RAPGEF5: variants seen among roughly 807,000 people sequenced by gnomAD.
RAPGEF5 encodes M-Ras-regulated GEF.
Under a neutral mutation model 125.2 loss-of-function variants are expected in RAPGEF5, and 65 were observed. The ratio of observed to expected loss-of-function variants is 0.52; its 90% confidence interval spans 0.43 to 0.64. The LOEUF is 0.64. Ranked by LOEUF, RAPGEF5 falls within the 30% of genes least tolerant of loss-of-function variation. The probability of loss-of-function intolerance (pLI) is 0.00; values close to 1 mark genes in which losing one functional copy is unlikely to be tolerated. For synonymous variants in RAPGEF5, 391 were observed against 385.9 expected (o/e 1.01, Z -0.16); for missense variants, 958 against 1,048.1 (o/e 0.91, Z 1.19).
chr7:22,162,888 T>C, intron 12 of RAPGEF5: 4 of 469,768 alleles, frequency 8.5e-6, no homozygotes, highest in Non-Finnish European at 1.7e-5. Context: ...CTAGCCTCAC[T>C]ACACAGGTGA....
chr7:22,154,789 A>C (rs988666360), intron 16 of RAPGEF5, among the ~76,000 whole-genome samples, 185 bp from the exon 17 acceptor site: 3 of 152,192 alleles, frequency 2.0e-5, no homozygotes, highest in Non-Finnish European at 2.9e-5. Context: ...TACGTCTATA[A>C]ATGTGTGCTT....
chr7:22,326,894 A>C (rs1184408929), intron 1 of RAPGEF5, among the ~76,000 whole-genome samples: 1 of 152,196 alleles, frequency 6.6e-6, no homozygotes, highest in African/African-American at 2.4e-5. Context: ...AAAAATATTA[A>C]AGAGGATGAG....
At chr7:22,199,510 T>C (rs945569851) in intron 9 of RAPGEF5, among the ~76,000 whole-genome samples, 1 of 140,798 alleles carries the variant, frequency 7.1e-6, no homozygotes, top group Non-Finnish European at 1.5e-5. Flanking sequence ...TTTTATGTTA[T>C]GTAAGTTTTA....
At chr7:22,330,800 C>G (rs566607871) in intron 1 of RAPGEF5, among the ~76,000 whole-genome samples, 5 of 152,288 alleles carry the variant, frequency 3.3e-5, no homozygotes, top group African/African-American at 7.2e-5. Flanking sequence ...TATAAGACAA[C>G]AGCTACATTT....
At chr7:22,338,123 G>T (rs1554278334) in intron 1 of RAPGEF5, among the ~76,000 whole-genome samples, 1 of 152,202 alleles carries the variant, frequency 6.6e-6, no homozygotes, top group Non-Finnish European at 1.5e-5. Flanking sequence ...TGAACTAGTG[G>T]ATCTATTCTA....
intron 1 of RAPGEF5, among the ~76,000 whole-genome samples, chr7:22,349,957 A>G (rs1784298200): frequency 6.6e-6 from 1 of 152,236 alleles, no homozygotes; most frequent in Admixed American, 6.5e-5. Flanking sequence ...CCACAGTGGC[A>G]TCTGTGGATT....
In RAPGEF5 at chr7:22,140,608, A is replaced by G. The variant is rs73685001; in HGVS notation, c.2187-493T>C. ...AAAATAGCTACTATAATATGTATAT[A>G]TTTTAAATACGGCATATATTAATGG... On this transcript the variant is annotated intron_variant, in intron 20 of 25. Transcript: ENST00000665637. 1.4e-3 allele frequency among the ~76,000 whole-genome samples: 217 copies of G among 152,328 alleles called. 2 individuals carry two copies. The highest frequency in any genetic ancestry group is 4.4e-3 in the African/African-American group (182 of 41,562).
intron 25 of RAPGEF5, among the ~76,000 whole-genome samples, 174 bp from the exon 26 acceptor site, chr7:22,122,695 G>A (rs368970784): frequency 6.6e-6 from 1 of 152,278 alleles, no homozygotes; most frequent in South Asian, 2.1e-4. Context: ...AGCTCAGAAT[G>A]GATTCCTCAG....
At chr7:22,159,249 C>T (rs374951655) in intron 14 of RAPGEF5, among the ~76,000 whole-genome samples, 2 of 152,284 alleles carry the variant, frequency 1.3e-5, no homozygotes, top group South Asian at 4.1e-4. Context: ...AAGAAGACCA[C>T]CAGCATTTAC....
chr7:22,230,836 T>C lies in RAPGEF5; in HGVS notation c.870+10A>G. 6.4e-7 allele frequency: 1 copy of C among 1,562,534 alleles called. No individual in the cohort carries two copies. The highest frequency in any genetic ancestry group is 1.2e-5 in the South Asian group (1 of 85,108). On this transcript the variant is annotated intron_variant, in intron 8 of 25. Transcript: ENST00000665637. ...GGTATGATGAGGGGCTGTCACAGAA[T>C]TGATCATACCTGAGAATCTGGAACA...
chr7:22,240,284 A>C lies in RAPGEF5; in HGVS notation c.797-9365T>G, dbSNP rs1786296232. Reference sequence around the variant, plus strand: ...ATTATCCAACTAAAATAAAACCTTGATAAACAAAAATCAAGTTAACCTTAG... The same window carrying C: ...ATTATCCAACTAAAATAAAACCTTGCTAAACAAAAATCAAGTTAACCTTAG... On this transcript the variant is annotated intron_variant, in intron 7 of 25. Coordinates refer to ENST00000665637, the MANE Select transcript of RAPGEF5 (RefSeq NM_012294.5). 2.0e-5 allele frequency among the ~76,000 whole-genome samples: 3 copies of C among 151,136 alleles called. No individual in the cohort carries two copies. In the South Asian group the frequency reaches 6.3e-4, roughly 31 times the overall value.
In RAPGEF5 at chr7:22,226,799, T is replaced by A. The variant is rs1049722014; in HGVS notation, c.870+4047A>T. On this transcript the variant is annotated intron_variant, in intron 8 of 25. Transcript: ENST00000665637. ...CAGTTTCTCTGGTCCTACTCCTTTGTGGAATTCCTTGTGTTAAAACATCAC... is the reference window on the plus strand; with the variant it reads ...CAGTTTCTCTGGTCCTACTCCTTTGAGGAATTCCTTGTGTTAAAACATCAC... Among the ~76,000 whole-genome samples, 7 of 152,262 alleles carry A rather than the reference T, an allele frequency of 4.6e-5. No individual in the cohort carries two copies. The East Asian group carries it at 1.4e-3, about 29-fold the overall frequency.
At chr7:22,280,506 G>A (rs1420939947) in intron 6 of RAPGEF5, among the ~76,000 whole-genome samples, 2 of 152,152 alleles carry the variant, frequency 1.3e-5, no homozygotes, top group Non-Finnish European at 2.9e-5. Context: ...TTAAATATCT[G>A]AAGAAATGGA....
chr7:22,355,951 A>C (rs1290664231), intron 1 of RAPGEF5: 12 of 984,594 alleles, frequency 1.2e-5, no homozygotes, highest in African/African-American at 1.7e-5. Context: ...CTTAATAATA[A>C]ATTTTTAAAA....
rs1436342232 is a variant in RAPGEF5 at position 22,156,799 on chromosome 7, A to G, written c.1636+11T>C. Reference sequence around the variant, plus strand: ...GCCCACCCCCAAACCCTCACTTCAAACCATACTCACTTTCCTCCGTTTCAG... The same window carrying G: ...GCCCACCCCCAAACCCTCACTTCAAGCCATACTCACTTTCCTCCGTTTCAG... On this transcript the variant is annotated intron_variant, in intron 16 of 25. Coordinates refer to ENST00000665637, the MANE Select transcript of RAPGEF5 (RefSeq NM_012294.5). 1 of 1,613,546 alleles carries G rather than the reference A, an allele frequency of 6.2e-7. No homozygotes were observed. Among genetic ancestry groups the G allele is most frequent in the African/African-American group, 1.3e-5 (1 of 74,854 alleles).
intron 1 of RAPGEF5, among the ~76,000 whole-genome samples, chr7:22,328,593 T>A (rs894130958): frequency 6.6e-6 from 1 of 152,256 alleles, no homozygotes; most frequent in Non-Finnish European, 1.5e-5. Flanking sequence ...CATACATACC[T>A]ACATACATAC....
chr7:22,135,446 T>C (rs1783050302), intron 23 of RAPGEF5, among the ~76,000 whole-genome samples: 1 of 152,192 alleles, frequency 6.6e-6, no homozygotes. Context: ...TAAATTTAAC[T>C]AACATGTTTC....
At chr7:22,141,795 C>T (rs1783270132) in intron 20 of RAPGEF5, among the ~76,000 whole-genome samples, 1 of 152,142 alleles carries the variant, frequency 6.6e-6, no homozygotes, top group African/African-American at 2.4e-5. Flanking sequence ...AGGCCCTGTA[C>T]CTTCATCCAA....
chr7:22,287,387 T>C (rs1583550102), intron 6 of RAPGEF5, among the ~76,000 whole-genome samples: 1 of 152,222 alleles, frequency 6.6e-6, no homozygotes, highest in Admixed American at 6.5e-5. Flanking sequence ...AGATAATATA[T>C]TTTTAGATGA....
Sources: gnomAD v4.1 joint callset for allele counts (sites outside exome capture counted in the v4.1 genomes callset) on GRCh38, gnomAD v4.1.1 for gene constraint, MANE v1.5 for transcripts, NCBI Gene and HGNC (gene_info 2026-07-23, HGNC 2026-07-21) for gene names.